SPAG6: variants seen among roughly 807,000 people sequenced by gnomAD.
SPAG6 encodes sperm associated antigen 6, also known as sperm-associated antigen 6.
Under a neutral mutation model 58.5 loss-of-function variants are expected in SPAG6, and 49 were observed. That is an observed-to-expected ratio of 0.84 (90% CI 0.67 to 1.06). The LOEUF (loss-of-function observed/expected upper bound fraction) is 1.06. Among genes scored for constraint, SPAG6 ranks in the 50% least tolerant of loss-of-function variants. The pLI, the probability that SPAG6 is intolerant of heterozygous loss-of-function variation, is 0.00. For synonymous variants in SPAG6, 233 were observed against 225.6 expected (o/e 1.03, Z -0.29); for missense variants, 560 against 611.3 (o/e 0.92, Z 0.89).
chr10:22,397,789 T>C, intron 8 of SPAG6, among the ~76,000 whole-genome samples: 1 of 152,150 alleles, frequency 6.6e-6, no homozygotes, highest in Non-Finnish European at 1.5e-5. Context: ...AGACATTCCA[T>C]GTTCATGGAC....
intron 2 of SPAG6, among the ~76,000 whole-genome samples, chr10:22,362,653 C>T (rs568424782): frequency 6.6e-6 from 1 of 152,050 alleles, no homozygotes; most frequent in Non-Finnish European, 1.5e-5. Flanking sequence ...TTGCTTGAAC[C>T]TGAGAGGTTG....
chr10:22,352,743 A>G lies in SPAG6; in HGVS notation c.121+6925A>G, dbSNP rs544340043. Among the ~76,000 whole-genome samples, 9 of 152,324 alleles carry G rather than the reference A, an allele frequency of 5.9e-5. No homozygotes were observed. In the East Asian group the frequency reaches 1.7e-3, roughly 29 times the overall value. On this transcript the variant is annotated intron_variant, in intron 2 of 10. Transcript: ENST00000376624. ...AGGCTGGTCTTGAACTCCTGACCTC[A>G]GGTGATCCACCCGCCTCGGCCTCCC... is the stretch of plus-strand genomic sequence containing the variant.
intron 9 of SPAG6, among the ~76,000 whole-genome samples, chr10:22,409,876 T>C (rs1834686531): frequency 6.6e-6 from 1 of 152,150 alleles, no homozygotes; most frequent in African/African-American, 2.4e-5. Flanking sequence ...GATCCTAAGA[T>C]CAAAACCTGC....
intron 4 of SPAG6, among the ~76,000 whole-genome samples, chr10:22,382,512 G>T (rs540514504): frequency 2.0e-5 from 3 of 152,074 alleles, no homozygotes; most frequent in Non-Finnish European, 1.5e-5. Context: ...CAGGGTAAGT[G>T]TGAAAAAGTA....
At chr10:22,412,454 T>C in intron 10 of SPAG6, 1 of 1,525,812 alleles carries the variant, frequency 6.6e-7, no homozygotes, top group Non-Finnish European at 8.8e-7. Flanking sequence ...GTAAATTCTT[T>C]CCAGAGTTGC....
intron 6 of SPAG6, among the ~76,000 whole-genome samples, chr10:22,388,331 A>G (rs933893382): frequency 6.6e-6 from 1 of 152,152 alleles, no homozygotes; most frequent in African/African-American, 2.4e-5. Flanking sequence ...ACACTGGGTT[A>G]TATTAGCAGA....
At chr10:22,415,698 C>G (rs1176336515) in intron 10 of SPAG6, among the ~76,000 whole-genome samples, 9 of 152,074 alleles carry the variant, frequency 5.9e-5, no homozygotes, top group African/African-American at 2.2e-4. Context: ...GGTCAAGCAT[C>G]TGGGCATAGA....
At chr10:22,415,590 C>G (rs1834848978) in intron 10 of SPAG6, among the ~76,000 whole-genome samples, 2 of 152,118 alleles carry the variant, frequency 1.3e-5, no homozygotes, top group South Asian at 4.1e-4. Context: ...TGTAAGCACA[C>G]TACTCACTAC....
Position 22,391,196 on chromosome 10 carries a change from A to G in SPAG6, c.1006-533A>G, listed in dbSNP as rs113141575. ...AAGAACTATAATTTAAAAGTTGACC[A>G]TAATTGATGGAAAGTTATTTATGTA... On this transcript the variant is annotated intron_variant, in intron 7 of 10. Coordinates refer to ENST00000376624, the MANE Select transcript of SPAG6 (RefSeq NM_012443.4). Among the ~76,000 whole-genome samples, 299 of 152,320 alleles carry G rather than the reference A, an allele frequency of 2.0e-3. 5 individuals carry two copies. Among genetic ancestry groups the G allele is most frequent in the African/African-American group, 6.4e-3 (267 of 41,578 alleles).
intron 10 of SPAG6, chr10:22,412,560 A>G: frequency 9.6e-7 from 1 of 1,039,460 alleles, no homozygotes; most frequent in Admixed American, 2.2e-5. Context: ...GATACATCAA[A>G]GCAGTGATAT....
chr10:22,408,862 G>C (rs1486029922), intron 9 of SPAG6, among the ~76,000 whole-genome samples: 1 of 152,222 alleles, frequency 6.6e-6, no homozygotes, highest in African/African-American at 2.4e-5. Flanking sequence ...AAGCCGATTG[G>C]AAAAGCACAG....
intron 8 of SPAG6, among the ~76,000 whole-genome samples, chr10:22,399,850 T>A (rs1364815958): frequency 6.6e-6 from 1 of 152,224 alleles, no homozygotes; most frequent in Admixed American, 6.5e-5. Context: ...TTATCACGAT[T>A]TAAGATAGTT....
chr10:22,352,193 A>ATG (rs963811527), intron 2 of SPAG6, among the ~76,000 whole-genome samples: 2 of 151,604 alleles, frequency 1.3e-5, no homozygotes, highest in Non-Finnish European at 2.9e-5. Flanking sequence ...AACAAGTGAT[A>ATG]TGTGTGTGTG....
At chr10:22,402,876 G>C (rs893193161) in intron 9 of SPAG6, among the ~76,000 whole-genome samples, 1 of 152,164 alleles carries the variant, frequency 6.6e-6, no homozygotes, top group Non-Finnish European at 1.5e-5. Context: ...TCTACAGACA[G>C]AGTTATCTGT....
At chr10:22,412,634 G>C (rs577515431) in intron 10 of SPAG6, 4 of 536,688 alleles carry the variant, frequency 7.5e-6, no homozygotes, top group Admixed American at 3.8e-5. Context: ...GCAGTAGCGC[G>C]ATCTTGGCTC....
At chr10:22,409,907 C>T (rs1447116142) in intron 9 of SPAG6, among the ~76,000 whole-genome samples, 1 of 152,136 alleles carries the variant, frequency 6.6e-6, no homozygotes, top group South Asian at 2.1e-4. Context: ...GCCTTTAGTT[C>T]TATCCTACCG....
intron 4 of SPAG6, among the ~76,000 whole-genome samples, chr10:22,369,138 A>T (rs1411389522): frequency 6.6e-6 from 1 of 152,158 alleles, no homozygotes; most frequent in East Asian, 1.9e-4. Context: ...ACCAGGAGAC[A>T]TAGCACGAGT....
chr10:22,354,923 A>G (rs1246514145), intron 2 of SPAG6, among the ~76,000 whole-genome samples: 2 of 151,904 alleles, frequency 1.3e-5, no homozygotes, highest in East Asian at 3.9e-4. Context: ...GCATCCGGGA[A>G]GCGGAGGTTG....
chr10:22,367,832 G>T (rs1837240025), intron 3 of SPAG6, among the ~76,000 whole-genome samples: 2 of 151,612 alleles, frequency 1.3e-5, no homozygotes, highest in Non-Finnish European at 2.9e-5. Context: ...TTACAAAATG[G>T]TAAGTAATTT....
Sources: gnomAD v4.1 joint callset for allele counts (sites outside exome capture counted in the v4.1 genomes callset) on GRCh38, gnomAD v4.1.1 for gene constraint, MANE v1.5 for transcripts, NCBI Gene and HGNC (gene_info 2026-07-23, HGNC 2026-07-21) for gene names.